IFI16: variants seen among roughly 807,000 people sequenced by gnomAD.
The protein encoded by IFI16 is interferon gamma inducible protein 16.
In IFI16, 49 loss-of-function variants were observed where a neutral mutation model predicts 68.4. That is an observed-to-expected ratio of 0.72 (90% confidence interval 0.57 to 0.91). IFI16 has a LOEUF of 0.91. IFI16 is among the 40% of genes least tolerant of loss of function. IFI16 has a pLI of 0.00. For synonymous variants in IFI16, 307 were observed against 315.0 expected, an observed-to-expected ratio of 0.97 and a Z score of 0.27; for missense variants, 878 against 942.9, an observed-to-expected ratio of 0.93 and a Z score of 0.90.
In IFI16 at chr1:159,054,820, G is replaced by T. The variant is rs758545387; in HGVS notation, c.2278-1G>T. ...CTGTCTTTATCTCTTTCTCCTTCAA[G>T]GTCATCAAGACCAGGAAAAACAAGA... On this transcript the variant is annotated splice_acceptor_variant, in intron 11 of 11. Coordinates refer to ENST00000295809, the MANE Select transcript of IFI16 (RefSeq NM_001376587.1). LOFTEE classifies it high-confidence loss of function. 3.8e-6 allele frequency: 6 copies of T among 1,572,764 alleles called. No individual in the cohort carries two copies. The Admixed American group carries it at 5.1e-5, about 13-fold the overall frequency.
chr1:159,053,919 A>C (rs1655517788), intron 11 of IFI16, among the ~76,000 whole-genome samples, 195 bp downstream of exon 11: 1 of 152,190 alleles, frequency 6.6e-6, no homozygotes, highest in Non-Finnish European at 1.5e-5. Context: ...AAAATTACAG[A>C]GACTTTCAAA....
chr1:159,016,174 C>T (rs1212751286), intron 3 of IFI16, among the ~76,000 whole-genome samples, 187 bp downstream of exon 3: 1 of 152,188 alleles, frequency 6.6e-6, no homozygotes, highest in Admixed American at 6.5e-5. Context: ...CATGAGTAAA[C>T]ATAATGTAAA....
At chr1:159,050,644 C>T (rs549860872) in intron 9 of IFI16, among the ~76,000 whole-genome samples, 31 of 152,200 alleles carry the variant, frequency 2.0e-4, no homozygotes, top group Middle Eastern at 6.8e-3. Flanking sequence ...TCCCTTGATC[C>T]CTTCTTGCCT....
At chr1:159,041,277 G>T (rs1654620534) in intron 7 of IFI16, among the ~76,000 whole-genome samples, 1 of 152,224 alleles carries the variant, frequency 6.6e-6, no homozygotes, top group South Asian at 2.1e-4. Flanking sequence ...TGAACAAAGT[G>T]TAAGAAGCCA....
At chr1:159,007,027 A>T (rs966885478), upstream of IFI16, among the ~76,000 whole-genome samples, 1 of 152,248 alleles carries the variant, frequency 6.6e-6, no homozygotes, top group South Asian at 2.1e-4. Flanking sequence ...GAAATACAAG[A>T]TAATACAGAG....
rs1553209159 is a variant in IFI16 at position 159,030,881 on chromosome 1, G to GC, written c.1162-1643_1162-1642insC. ...TGAGTTTCTCAGGTGGTGGGTGGGG[G>GC]GGCCACAGAGCTCCCAAGAGATTAT... On this transcript the variant is annotated intron_variant, in intron 6 of 11. Coordinates refer to ENST00000295809, the MANE Select transcript of IFI16 (RefSeq NM_001376587.1). Among the ~76,000 whole-genome samples, 503 of 147,298 alleles carry GC rather than the reference G, an allele frequency of 3.4e-3. 3 individuals carry two copies. Among genetic ancestry groups the GC allele is most frequent in the African/African-American group, 0.012 (481 of 39,678 alleles).
chr1:159,049,702 CTTTAA>C (rs1655224049), intron 9 of IFI16, 103 bp downstream of exon 9: 2 of 1,305,004 alleles, frequency 1.5e-6, no homozygotes, highest in Non-Finnish European at 2.1e-6. Flanking sequence ...ACATACAATG[CTTTAA>C]TTTAACCAAA....
At chr1:159,003,136 T>C (rs1185926439), upstream of IFI16, among the ~76,000 whole-genome samples, 1 of 152,192 alleles carries the variant, frequency 6.6e-6, no homozygotes, top group Non-Finnish European at 1.5e-5. Context: ...TAATCCAACT[T>C]CCTATGGTTC....
chr1:159,048,575 G>A (rs1053044517), intron 8 of IFI16, among the ~76,000 whole-genome samples: 4 of 151,370 alleles, frequency 2.6e-5, no homozygotes, highest in African/African-American at 7.3e-5. Flanking sequence ...GGTGGTCAGA[G>A]ACTGTTCTAA....
chr1:159,042,391 T>G (rs1284103599), intron 7 of IFI16, among the ~76,000 whole-genome samples: 1 of 152,218 alleles, frequency 6.6e-6, no homozygotes, highest in Admixed American at 6.5e-5. Context: ...CCCCCAGTAT[T>G]ACTATACCAA....
upstream of IFI16, among the ~76,000 whole-genome samples, chr1:159,002,342 G>A (rs953622642): frequency 1.3e-5 from 2 of 152,016 alleles, no homozygotes; most frequent in Non-Finnish European, 2.9e-5. Flanking sequence ...AAAAAAACTA[G>A]TGTTATTTGC....
upstream of IFI16, among the ~76,000 whole-genome samples, chr1:159,005,610 T>TG (rs1434881893): frequency 6.6e-6 from 1 of 152,114 alleles, no homozygotes; most frequent in Non-Finnish European, 1.5e-5. Flanking sequence ...AATACAAAAC[T>TG]GCAATACAGA....
chr1:159,004,427 G>A (rs1411047320), upstream of IFI16, among the ~76,000 whole-genome samples: 3 of 152,126 alleles, frequency 2.0e-5, no homozygotes, highest in South Asian at 2.1e-4. Flanking sequence ...AAAACCAGCC[G>A]GGCATCGTGA....
In IFI16 at chr1:159,053,706, A is replaced by C. The variant is rs145980723; in HGVS notation, c.2259A>C (p.Val753=). ...KSGNTGELRS[V]IHSHIKVIKT... ...GGAATACCGGGGAGTTGAGATCTGTAATTCATAGTCACATCAAGGTTGGAA... is the reference window on the plus strand; with the variant it reads ...GGAATACCGGGGAGTTGAGATCTGTCATTCATAGTCACATCAAGGTTGGAA... The change falls in exon 11 of 12, where the codon GTA becomes GTC. Residue 753 remains valine, a synonymous_variant. Coordinates refer to ENST00000295809, the MANE Select transcript of IFI16 (RefSeq NM_001376587.1). 6.2e-7 allele frequency: 1 copy of C among 1,613,528 alleles called. No individual in the cohort carries two copies. The highest frequency in any genetic ancestry group is 2.2e-5 in the East Asian group (1 of 44,870).
chr1:159,053,274 A>G, intron 10 of IFI16: 1 of 298,532 alleles, frequency 3.3e-6, no homozygotes, highest in Non-Finnish European at 6.2e-6. Context: ...GGAAACAGGA[A>G]GAATTAGGAA....
chr1:159,021,070 C>T (rs1174646773), intron 6 of IFI16, among the ~76,000 whole-genome samples: 2 of 152,138 alleles, frequency 1.3e-5, no homozygotes, highest in African/African-American at 2.4e-5. Flanking sequence ...CATGATTTTA[C>T]GCTGTTGCCA....
intron 7 of IFI16, among the ~76,000 whole-genome samples, chr1:159,035,270 T>C (rs1266127580): frequency 6.6e-6 from 1 of 152,240 alleles, no homozygotes; most frequent in Non-Finnish European, 1.5e-5. Flanking sequence ...CCTGTGTCTT[T>C]TTGCCATCTT....
chr1:159,043,113 C>CT (rs1654768159), intron 7 of IFI16, among the ~76,000 whole-genome samples: 2 of 152,138 alleles, frequency 1.3e-5, no homozygotes, highest in South Asian at 2.1e-4. Flanking sequence ...TTTAGACAGT[C>CT]ATTTTTTTGG....
chr1:159,025,179 CCCGCTCCATTCCTGCTCAGCG>C (rs1653579602), intron 6 of IFI16, among the ~76,000 whole-genome samples: 1 of 152,176 alleles, frequency 6.6e-6, no homozygotes, highest in African/African-American at 2.4e-5. Flanking sequence ...GGTGACGCCT[CCCGCTCCATTCCTGCTCAGCG>C]CCGCCCAAGG....
Sources: gnomAD v4.1 joint callset for allele counts (sites outside exome capture counted in the v4.1 genomes callset) on GRCh38, gnomAD v4.1.1 for gene constraint, MANE v1.5 for transcripts, NCBI Gene and HGNC (gene_info 2026-07-23, HGNC 2026-07-21) for gene names.